The following WDFY4 variants were observed in gnomAD, a reference collection of about 807,000 sequenced individuals.
WDFY4 encodes WD repeat- and FYVE domain-containing protein 4.
WDFY4 carries 169 observed loss-of-function variants against 351.9 expected under a neutral mutation model. The ratio of observed to expected loss-of-function variants is 0.48; its 90% CI spans 0.42 to 0.55. The LOEUF is 0.55. Among genes scored for constraint, WDFY4 ranks in the 20% least tolerant of loss-of-function variants. The pLI is 0.00. For missense variants in WDFY4, 3,803 were observed against 3,935.6 expected (o/e 0.97, Z 0.90); for synonymous variants, 1,622 against 1,574.6 (o/e 1.03, Z -0.71).
At chr10:48,725,432 G>T (rs923377273) in intron 5 of WDFY4, among the ~76,000 whole-genome samples, 2 of 152,184 alleles carry the variant, frequency 1.3e-5, no homozygotes, top group Non-Finnish European at 2.9e-5. Context: ...GGATTGGCGG[G>T]AACAAGGAAC....
At chr10:48,841,080 T>C (rs1017246755) in intron 39 of WDFY4, among the ~76,000 whole-genome samples, 18 of 152,362 alleles carry the variant, frequency 1.2e-4, no homozygotes, top group Admixed American at 9.8e-4. Context: ...CATACAATTA[T>C]ATGCACAGGG....
intron 13 of WDFY4, among the ~76,000 whole-genome samples, chr10:48,773,808 G>A (rs1183818808): frequency 6.6e-6 from 1 of 152,224 alleles, no homozygotes; most frequent in Non-Finnish European, 1.5e-5. Flanking sequence ...CTGTGGTGGG[G>A]CCTGTATCTG....
intron 10 of WDFY4, 73 bp downstream of exon 10, chr10:48,734,108 T>C (rs1053953123): frequency 7.5e-7 from 1 of 1,333,646 alleles, no homozygotes. Context: ...TTTATGGCAG[T>C]GTTCACAGGT....
Position 48,743,404 on chromosome 10 carries a change from G to T in WDFY4, c.2315G>T (p.Ser772Ile). Residue 772 changes from serine (S) to isoleucine (I), a missense_variant, in exon 12 of 62, where the codon AGC becomes ATC. Physicochemically the swap from Ser to Ile is moderately radical, Grantham distance 142. Coordinates refer to ENST00000325239, the MANE Select transcript of WDFY4 (RefSeq NM_001394531.1). ...SCLQILGFLD[S>I]MASGTLHLRG... ...CTCCAGATCCTTGGCTTTCTGGACA[G>T]CATGGCCAGCGGCACCCTCCACTTG... The T allele has an allele frequency of 6.4e-7, 1 of 1,551,538 alleles. No homozygotes were observed. Among genetic ancestry groups the T allele is most frequent in the African/African-American group, 1.4e-5 (1 of 73,140 alleles).
At chr10:48,900,638 G>A (rs1281066700) in intron 46 of WDFY4, among the ~76,000 whole-genome samples, 2 of 152,182 alleles carry the variant, frequency 1.3e-5, no homozygotes, top group Non-Finnish European at 2.9e-5. Context: ...GAATGTTCTG[G>A]CTTTATTTTC....
At chr10:48,929,894 G>A (rs964165492) in intron 47 of WDFY4, among the ~76,000 whole-genome samples, 1 of 151,928 alleles carries the variant, frequency 6.6e-6, no homozygotes, top group East Asian at 1.9e-4. Flanking sequence ...TAATAAAGCA[G>A]ACTGACCTTC....
chr10:48,947,838 G>A (rs1841126762), intron 51 of WDFY4, among the ~76,000 whole-genome samples: 1 of 152,184 alleles, frequency 6.6e-6, no homozygotes, highest in South Asian at 2.1e-4. Context: ...CAGGGAGTAT[G>A]GGCTGCCCTG....
At chr10:48,938,415 TGA>T (rs1368012709) in intron 47 of WDFY4, among the ~76,000 whole-genome samples, 1 of 152,256 alleles carries the variant, frequency 6.6e-6, no homozygotes, top group Middle Eastern at 3.2e-3. Context: ...GTCCCTCGGC[TGA>T]GAGCCTTTGG....
intron 7 of WDFY4, 68 bp downstream of exon 7, chr10:48,727,727 G>C (rs1315748344): frequency 1.3e-6 from 2 of 1,512,964 alleles, no homozygotes; most frequent in East Asian, 4.9e-5. Flanking sequence ...GAATCATTGG[G>C]GTGCTTTGCA....
chr10:48,700,235 G>C (rs2063441448), intron 1 of WDFY4, among the ~76,000 whole-genome samples: 1 of 152,190 alleles, frequency 6.6e-6, no homozygotes, highest in Non-Finnish European at 1.5e-5. Context: ...GGAAAGCCTG[G>C]AGGCTGTCAT....
At chr10:48,741,633 A>T (rs1339542072) in intron 11 of WDFY4, among the ~76,000 whole-genome samples, 2 of 152,102 alleles carry the variant, frequency 1.3e-5, no homozygotes, top group East Asian at 3.8e-4. Context: ...CACGTATCAT[A>T]CTACAGACTG....
At chr10:48,934,714 T>G (rs1309988700) in intron 47 of WDFY4, among the ~76,000 whole-genome samples, 1 of 152,248 alleles carries the variant, frequency 6.6e-6, no homozygotes, top group African/African-American at 2.4e-5. Context: ...TCTGCTGGGC[T>G]GGACCCTCCT....
chr10:48,913,551 T>C, intron 47 of WDFY4: 4 of 1,613,958 alleles, frequency 2.5e-6, no homozygotes, highest in Non-Finnish European at 3.4e-6. Context: ...ATCCTTCTCC[T>C]CCACAACATA....
intron 53 of WDFY4, 110 bp downstream of exon 53, chr10:48,959,923 C>T (rs4240517): frequency 0.99 from 980,585 of 988,722 alleles, 486,708 homozygotes; most frequent in East Asian, 1. Flanking sequence ...CTGTGAGGCT[C>T]ATGTCTGGAA....
chr10:48,933,083 G>GAGGGGAGTC (rs1436839284), intron 47 of WDFY4, among the ~76,000 whole-genome samples: 1 of 152,162 alleles, frequency 6.6e-6, no homozygotes, highest in Non-Finnish European at 1.5e-5. Context: ...GGCAGGAGAA[G>GAGGGGAGTC]AGGGGAGTCT....
intron 13 of WDFY4, among the ~76,000 whole-genome samples, chr10:48,773,625 A>G (rs952965247): frequency 6.6e-6 from 1 of 152,252 alleles, no homozygotes; most frequent in African/African-American, 2.4e-5. Flanking sequence ...CAGGGTTAAG[A>G]TAAGAGCACA....
At position 48,743,119 on chromosome 10, in the gene WDFY4, C is replaced by A; in HGVS notation, c.2030C>A (p.Thr677Asn). 1.9e-6 allele frequency: 3 copies of A among 1,551,732 alleles called. No homozygotes were observed. Among genetic ancestry groups the A allele is most frequent in the South Asian group, 1.2e-5 (1 of 84,064 alleles). Residue 677 changes from threonine to asparagine, a missense_variant, in exon 12 of 62, where the codon ACC (threonine) becomes AAC (asparagine). Around this residue, in one of 3 missense-constraint regions of WDFY4, gnomAD observed 3,054 missense variants for 3,148.6 expected, o/e 0.97. Transcript: ENST00000325239. The stretch of plus-strand genomic sequence containing the variant: ...TGGGGAGCAGTATCCCCCAGACAGA[C>A]CCTGGAGCTGGTTTTGTACACTCTC... Reference protein sequence around the residue: ...QAWGAVSPRQTLELVLYTLCA... With the variant: ...QAWGAVSPRQNLELVLYTLCA...
At chr10:48,907,954 C>A (rs1160389175) in intron 47 of WDFY4, among the ~76,000 whole-genome samples, 1 of 152,218 alleles carries the variant, frequency 6.6e-6, no homozygotes, top group Non-Finnish European at 1.5e-5. Flanking sequence ...AGAGTGACAG[C>A]CAGTGCTGCA....
chr10:48,868,861 T>C (rs1392029547), intron 40 of WDFY4, among the ~76,000 whole-genome samples: 2 of 151,950 alleles, frequency 1.3e-5, no homozygotes, highest in Admixed American at 1.3e-4. Flanking sequence ...TTGAGATCTG[T>C]GAGATTATAG....
Sources: allele counts gnomAD v4.1 joint callset (sites outside exome capture counted in the v4.1 genomes callset), GRCh38; gene constraint gnomAD v4.1.1; regional missense constraint gnomAD v4.1.1; transcripts MANE v1.5; gene names NCBI Gene and HGNC (gene_info 2026-07-23, HGNC 2026-07-21).